FAM76A: variants seen among roughly 807,000 people sequenced by gnomAD.
FAM76A encodes family with sequence similarity 76 member A, also known as protein FAM76A.
Under a neutral mutation model 46.2 loss-of-function variants are expected in FAM76A, and 32 were observed. That is an observed-to-expected ratio of 0.69 (90% CI 0.52 to 0.93). FAM76A has a LOEUF of 0.93. Ranked by LOEUF, FAM76A falls within the 40% of genes least tolerant of loss-of-function variation. The pLI is 0.00. For synonymous variants in FAM76A, 137 were observed against 127.0 expected (o/e 1.08, Z -0.53); for missense variants, 274 against 361.5 (o/e 0.76, Z 1.96).
At chr1:27,744,921 C>CT in intron 5 of FAM76A, 110 bp downstream of exon 5, 1 of 1,046,464 alleles carries the variant, frequency 9.6e-7, no homozygotes, top group Non-Finnish European at 1.4e-6. Flanking sequence ...TCTATATTCT[C>CT]TGTAGGTACT....
At chr1:27,742,163 A>T (rs2088166288) in intron 4 of FAM76A, among the ~76,000 whole-genome samples, 1 of 152,230 alleles carries the variant, frequency 6.6e-6, no homozygotes, top group Non-Finnish European at 1.5e-5. Context: ...ACCCATGTTC[A>T]AGATGAGGCA....
intron 2 of FAM76A, among the ~76,000 whole-genome samples, chr1:27,729,075 C>T (rs983085450): frequency 1.3e-5 from 2 of 151,910 alleles, no homozygotes; most frequent in Non-Finnish European, 2.9e-5. Flanking sequence ...TCTTGTGGAA[C>T]TTCTGTGAGT....
chr1:27,727,751 G>A (rs2087884634), intron 2 of FAM76A, among the ~76,000 whole-genome samples: 3 of 150,848 alleles, frequency 2.0e-5, no homozygotes. Flanking sequence ...ACAATGAAGG[G>A]TATATAATAC....
chr1:27,745,149 T>A (rs1269050500), intron 5 of FAM76A, among the ~76,000 whole-genome samples: 4 of 152,318 alleles, frequency 2.6e-5, no homozygotes, highest in African/African-American at 9.6e-5. Context: ...AATGCATATT[T>A]AGCCAGGAGG....
Position 27,756,685 on chromosome 1 carries a change from T to C in FAM76A, c.735+1355T>C, listed in dbSNP as rs138744095. 4.8e-3 allele frequency among the ~76,000 whole-genome samples: 729 copies of C among 152,312 alleles called. 4 individuals carry two copies. Among genetic ancestry groups the C allele is most frequent in the Non-Finnish European group, 8.0e-3 (542 of 68,016 alleles). ...ATCTTCAGAATAAGACCAGTCTTAT[T>C]ATGGTCTGAAGTTGTCTTCCATTTT... On this transcript the variant is annotated intron_variant, in intron 7 of 8. Coordinates refer to ENST00000373954, the MANE Select transcript of FAM76A (RefSeq NM_152660.3).
At chr1:27,738,232 C>A (rs1037725563) in intron 4 of FAM76A, among the ~76,000 whole-genome samples, 5 of 152,024 alleles carry the variant, frequency 3.3e-5, no homozygotes, top group Admixed American at 1.3e-4. Flanking sequence ...TGGCTCACGC[C>A]TGTAATCCCA....
intron 2 of FAM76A, among the ~76,000 whole-genome samples, chr1:27,727,971 C>T (rs1275613751): frequency 6.6e-6 from 1 of 151,918 alleles, no homozygotes; most frequent in African/African-American, 2.4e-5. Flanking sequence ...CCATGTCCGG[C>T]TAGTTTTTTT....
At chr1:27,728,922 C>T (rs2087908023) in intron 2 of FAM76A, among the ~76,000 whole-genome samples, 1 of 151,618 alleles carries the variant, frequency 6.6e-6, no homozygotes. Context: ...TGAGATTGCG[C>T]CACTGCACTC....
Position 27,732,636 on chromosome 1 carries a change from G to C in FAM76A, c.180G>C (p.Gln60His). 6.2e-7 allele frequency: 1 copy of C among 1,609,788 alleles called. No individual in the cohort carries two copies. Among genetic ancestry groups the C allele is most frequent in the South Asian group, 1.1e-5 (1 of 90,748 alleles). The change falls in exon 3 of 9, where the codon CAG (glutamine) becomes CAC (histidine). Residue 60 changes from glutamine (Q) to histidine (H), a missense_variant. Gln to His is a conservative substitution (Grantham distance 24). Transcript: ENST00000373954. ...ATACAATATGCAAGAAATGTGCTCA[G>C]AACGTGCAGTTGTATGGAACGGTAA... ...KTNTICKKCAQNVQLYGTPKP... is the reference protein window; with the variant it reads ...KTNTICKKCAHNVQLYGTPKP...
At chr1:27,739,413 G>A (rs565633419) in intron 4 of FAM76A, 37 of 510,502 alleles carry the variant, frequency 7.2e-5, no homozygotes, top group Admixed American at 2.1e-4. Context: ...GGCCAACCTC[G>A]TGGAAATGTT....
At chr1:27,737,879 A>C (rs1228125971) in intron 4 of FAM76A, among the ~76,000 whole-genome samples, 14 of 147,632 alleles carry the variant, frequency 9.5e-5, no homozygotes, top group African/African-American at 2.0e-4. Context: ...AAAAAAAAAA[A>C]AAAAAAAAAA....
chr1:27,737,490 G>A (rs1054547928), intron 4 of FAM76A, among the ~76,000 whole-genome samples: 1 of 151,820 alleles, frequency 6.6e-6, no homozygotes, highest in Admixed American at 6.6e-5. Context: ...TGAAGTGGGC[G>A]GATCGCTTGA....
intron 5 of FAM76A, among the ~76,000 whole-genome samples, 160 bp downstream of exon 5, chr1:27,744,971 C>G (rs943265469): frequency 8.5e-5 from 13 of 152,164 alleles, no homozygotes; most frequent in Non-Finnish European, 1.9e-4. Context: ...TTTTATAGTT[C>G]ATATATCTTC....
At chr1:27,755,375 G>C (rs773696235) in intron 7 of FAM76A, 45 bp downstream of exon 7, 2 of 1,607,500 alleles carry the variant, frequency 1.2e-6, no homozygotes, top group East Asian at 2.2e-5. Context: ...ATGCGAGGGT[G>C]AGATATGTGG....
Position 27,760,483 on chromosome 1 carries a change from T to C in FAM76A, c.838-12T>C. The C allele has an allele frequency of 1.2e-6, 2 of 1,604,792 alleles. No homozygotes were observed. The highest frequency in any genetic ancestry group is 1.7e-6 in the Non-Finnish European group (2 of 1,175,202). ...GAAACATCCTTCTTGCACTGATTTT[T>C]TTTTTCTTTAGGCCAAAAACCGAGA... On this transcript the variant is annotated splice_polypyrimidine_tract_variant and intron_variant, in intron 8 of 8. Transcript: ENST00000373954.
At chr1:27,745,441 A>G (rs2088226265) in intron 5 of FAM76A, among the ~76,000 whole-genome samples, 1 of 152,116 alleles carries the variant, frequency 6.6e-6, no homozygotes, top group African/African-American at 2.4e-5. Flanking sequence ...TATTCAATAC[A>G]TTTCAGGTTT....
At chr1:27,742,787 G>C (rs2088176440) in intron 4 of FAM76A, among the ~76,000 whole-genome samples, 2 of 152,188 alleles carry the variant, frequency 1.3e-5, no homozygotes, top group Admixed American at 1.3e-4. Context: ...TGGGCGAGGT[G>C]CAGTGGCTCA....
Position 27,762,104 on chromosome 1 carries a change from T to A in FAM76A, c.*1523T>A, listed in dbSNP as rs1485151287. On this transcript the variant is annotated 3_prime_UTR_variant, in exon 9 of 9. Transcript: ENST00000373954. Reference sequence around the variant, plus strand: ...CCCACTCCTCACCCACCCGAGCCCATACACTCCCTGCTTTTCATGGATATG... The same window carrying A: ...CCCACTCCTCACCCACCCGAGCCCAAACACTCCCTGCTTTTCATGGATATG... 6.6e-6 allele frequency: 1 copy of A among 152,096 alleles called. No homozygotes were observed. The highest frequency in any genetic ancestry group is 1.5e-5 in the Non-Finnish European group (1 of 68,010). 9.4% of individuals were successfully genotyped at this position (152,096 alleles called of 1,614,324 possible).
intron 5 of FAM76A, among the ~76,000 whole-genome samples, chr1:27,748,348 TCTC>T (rs2088276413): frequency 6.6e-6 from 1 of 151,640 alleles, no homozygotes; most frequent in South Asian, 2.1e-4. Context: ...ATGGTGTCGA[TCTC>T]CTGACCTCGT....
Sources: gnomAD v4.1 joint callset for allele counts (sites outside exome capture counted in the v4.1 genomes callset) on GRCh38, gnomAD v4.1.1 for gene constraint, MANE v1.5 for transcripts, NCBI Gene and HGNC (gene_info 2026-07-23, HGNC 2026-07-21) for gene names.